The following ESCO1 variants were observed in gnomAD, a reference collection of about 807,000 sequenced individuals.
The protein encoded by ESCO1 is N-acetyltransferase ESCO1.
Under a neutral mutation model 83.5 loss-of-function variants are expected in ESCO1, and 33 were observed. That is an observed-to-expected ratio of 0.40 (90% confidence interval 0.30 to 0.53). The LOEUF (loss-of-function observed/expected upper bound fraction) is 0.53, where lower values mean the gene tolerates loss of function less well. ESCO1 is among the 20% of genes least tolerant of loss of function. The pLI is 0.63. For synonymous variants in ESCO1, 332 were observed against 324.3 expected, an observed-to-expected ratio of 1.02 and a Z score of -0.25; for missense variants, 855 against 968.0, an observed-to-expected ratio of 0.88 and a Z score of 1.55.
chr18:21,534,270 C>T (rs867600473), intron 10 of ESCO1, among the ~76,000 whole-genome samples: 13 of 152,194 alleles, frequency 8.5e-5, no homozygotes, highest in African/African-American at 1.2e-4. Context: ...TCAAGGTCAT[C>T]GCCAAGGTCT....
At chr18:21,544,123 A>C (rs1039343370) in intron 8 of ESCO1, among the ~76,000 whole-genome samples, 2 of 151,920 alleles carry the variant, frequency 1.3e-5, no homozygotes, top group Non-Finnish European at 2.9e-5. Flanking sequence ...AATACAAAAA[A>C]ATTAGCTGGG....
chr18:21,586,077 C>T (rs929659441), intron 1 of ESCO1, among the ~76,000 whole-genome samples: 9 of 152,162 alleles, frequency 5.9e-5, no homozygotes, highest in African/African-American at 1.4e-4. Context: ...TTGAAATACG[C>T]AACAAATTAT....
intron 8 of ESCO1, among the ~76,000 whole-genome samples, chr18:21,553,726 G>A (rs78487224): frequency 0.11 from 16,391 of 151,548 alleles, 1,228 homozygotes; most frequent in South Asian, 0.26. Flanking sequence ...GCATGGTGGC[G>A]CATGCCGGCA....
intron 1 of ESCO1, among the ~76,000 whole-genome samples, chr18:21,600,144 CAGG>C (rs2146245609): frequency 6.6e-6 from 1 of 152,368 alleles, no homozygotes; most frequent in South Asian, 2.1e-4. Flanking sequence ...CGGGTTGCGC[CAGG>C]AGGCGGCGAG....
At chr18:21,539,873 G>A (rs2037881933) in intron 9 of ESCO1, 47 bp downstream of exon 9, 1 of 1,499,778 alleles carries the variant, frequency 6.7e-7, no homozygotes, top group Non-Finnish European at 9.2e-7. Flanking sequence ...AAAATTAACT[G>A]CAAAATGATA....
At chr18:21,539,745 G>A (rs536961036) in intron 9 of ESCO1, among the ~76,000 whole-genome samples, 175 bp downstream of exon 9, 2 of 152,222 alleles carry the variant, frequency 1.3e-5, no homozygotes, top group East Asian at 1.9e-4. Flanking sequence ...CTACTCGGGA[G>A]GTGGAGGCAG....
At position 21,574,768 on chromosome 18, in the gene ESCO1, T is replaced by C. The variant is rs769335547; in HGVS notation, c.76A>G (p.Thr26Ala). The change falls in exon 4 of 12, where the codon ACA (threonine) becomes GCA (alanine). Residue 26 changes from threonine to alanine, a missense_variant. Physicochemically the swap from Thr to Ala is moderately conservative, Grantham distance 58 (BLOSUM62 0). Coordinates refer to ENST00000269214, the MANE Select transcript of ESCO1 (RefSeq NM_052911.3). ...TKKSDDKNSE[T>A]EIQDSQKNLA... Reference sequence around the variant, plus strand: ...TTCTTTTGAGAATCCTGAATTTCTGTTTCTGAATTCTTATCGTCACTTTTT... The same window carrying C: ...TTCTTTTGAGAATCCTGAATTTCTGCTTCTGAATTCTTATCGTCACTTTTT... 1.9e-6 allele frequency: 3 copies of C among 1,606,640 alleles called. No individual in the cohort carries two copies. Among genetic ancestry groups the C allele is most frequent in the Non-Finnish European group, 2.5e-6 (3 of 1,179,732 alleles).
intron 1 of ESCO1, among the ~76,000 whole-genome samples, chr18:21,595,663 G>C (rs541566053): frequency 6.6e-5 from 8 of 120,510 alleles, no homozygotes; most frequent in Admixed American, 5.4e-4. Flanking sequence ...GCGAGACTCC[G>C]ACTCCAAAAA....
At chr18:21,578,184 A>G (rs1016224483) in intron 2 of ESCO1, among the ~76,000 whole-genome samples, 3 of 152,198 alleles carry the variant, frequency 2.0e-5, no homozygotes, top group Non-Finnish European at 2.9e-5. Context: ...CCTTAATATG[A>G]AGAAAAAACA....
intron 8 of ESCO1, among the ~76,000 whole-genome samples, chr18:21,543,580 T>C (rs2037934231): frequency 6.6e-6 from 1 of 152,208 alleles, no homozygotes; most frequent in South Asian, 2.1e-4. Flanking sequence ...TATACAATGA[T>C]CAAAATTCAA....
chr18:21,579,424 T>C (rs2038462755), intron 2 of ESCO1, among the ~76,000 whole-genome samples: 1 of 151,274 alleles, frequency 6.6e-6, no homozygotes, highest in Non-Finnish European at 1.5e-5. Flanking sequence ...ATCATACCAC[T>C]GCACTCCAGA....
intron 2 of ESCO1, among the ~76,000 whole-genome samples, chr18:21,577,471 TAACATGGTGAAACCCCGTCTC>T: frequency 6.7e-6 from 1 of 148,980 alleles, no homozygotes; most frequent in East Asian, 2.0e-4. Context: ...CCATCCTGGC[TAACATGGTGAAACCCCGTCTC>T]TACTAAAAAT....
intron 2 of ESCO1, among the ~76,000 whole-genome samples, chr18:21,578,500 G>GA (rs918623240): frequency 1.3e-4 from 20 of 151,424 alleles, no homozygotes; most frequent in African/African-American, 3.4e-4. Flanking sequence ...AGCACTGGGG[G>GA]AAAAAAAATC....
chr18:21,555,597 A>T (rs118017118), intron 8 of ESCO1, among the ~76,000 whole-genome samples: 1 of 151,652 alleles, frequency 6.6e-6, no homozygotes, highest in Non-Finnish European at 1.5e-5. Context: ...TTACACCCAT[A>T]AAGTCAGCAC....
At chr18:21,552,583 C>T (rs1426501712) in intron 8 of ESCO1, among the ~76,000 whole-genome samples, 1 of 152,168 alleles carries the variant, frequency 6.6e-6, no homozygotes, top group Non-Finnish European at 1.5e-5. Flanking sequence ...TATAAATTAC[C>T]CAGTCTCAGG....
At chr18:21,571,181 A>G (rs1049689570) in intron 4 of ESCO1, among the ~76,000 whole-genome samples, 1 of 151,926 alleles carries the variant, frequency 6.6e-6, no homozygotes, top group East Asian at 1.9e-4. Context: ...CATAGCAACA[A>G]GTTTCTTAGG....
At chr18:21,541,681 C>T (rs1398727804) in intron 8 of ESCO1, among the ~76,000 whole-genome samples, 3 of 150,966 alleles carry the variant, frequency 2.0e-5, no homozygotes, top group African/African-American at 7.3e-5. Context: ...ATTTACAAGA[C>T]ATCACCTCTT....
chr18:21,588,994 C>A (rs1309552731), intron 1 of ESCO1, among the ~76,000 whole-genome samples: 1 of 152,164 alleles, frequency 6.6e-6, no homozygotes, highest in Non-Finnish European at 1.5e-5. Flanking sequence ...GTAAGCCCAG[C>A]GCTTTGGGAG....
In ESCO1 at chr18:21,574,456, C is replaced by G. The variant is rs1468611654; in HGVS notation, c.388G>C (p.Glu130Gln). 3.7e-6 allele frequency: 6 copies of G among 1,613,852 alleles called. No homozygotes were observed. In the South Asian group the frequency reaches 5.5e-5, roughly 15 times the overall value. ...CTGCGTAACGACCTTCTTGAAACCT[C>G]TGTTAATTGTTGTAGCCTTTGTGAT... is the stretch of plus-strand genomic sequence containing the variant. ...RRSQRLQQLT[E>Q]VSRRSLRSRE... is the part of the protein sequence containing the mutation. Residue 130 changes from glutamate (E) to glutamine (Q), a missense_variant, in exon 4 of 12, where the codon GAG becomes CAG. This residue lies in a region of ESCO1 where 726 missense variants were observed against 699.5 expected (regional missense o/e 1.04). Coordinates refer to ENST00000269214, the MANE Select transcript of ESCO1 (RefSeq NM_052911.3).
Sources: gnomAD v4.1 joint callset for allele counts (sites outside exome capture counted in the v4.1 genomes callset) on GRCh38, gnomAD v4.1.1 for gene constraint, gnomAD v4.1.1 regional missense constraint, MANE v1.5 for transcripts, NCBI Gene and HGNC (gene_info 2026-07-23, HGNC 2026-07-21) for gene names.